The following BYSL variants were observed in gnomAD, a reference collection of about 807,000 sequenced individuals.
BYSL encodes the protein bystin.
BYSL carries 21 observed loss-of-function variants against 45.4 expected under a neutral mutation model. That is an observed-to-expected ratio of 0.46 (90% CI 0.33 to 0.67). The LOEUF (loss-of-function observed/expected upper bound fraction) is 0.67, where lower values mean the gene tolerates loss of function less well. Ranked by LOEUF, BYSL falls within the 30% of genes least tolerant of loss-of-function variation. BYSL has a pLI of 0.02. For synonymous variants in BYSL, 215 were observed against 231.3 expected (o/e 0.93, Z 0.64); for missense variants, 522 against 578.5 (o/e 0.90, Z 1.00).
chr6:41,925,788 C>T (rs1775556315), intron 1 of BYSL, among the ~76,000 whole-genome samples: 1 of 152,070 alleles, frequency 6.6e-6, no homozygotes, highest in Admixed American at 6.6e-5. Context: ...CGGGTTCAAG[C>T]GATTCTCATG....
intron 3 of BYSL, 119 bp from the exon 4 acceptor site, chr6:41,930,516 A>G: frequency 7.3e-7 from 1 of 1,373,336 alleles, no homozygotes; most frequent in Non-Finnish European, 9.8e-7. Flanking sequence ...GCACCTCCTT[A>G]TAGGTTATTG....
In BYSL at chr6:41,921,776, G is replaced by A; in HGVS notation, c.214G>A (p.Glu72Lys). 1 of 1,613,284 alleles carries A rather than the reference G, an allele frequency of 6.2e-7. No homozygotes were observed. Among genetic ancestry groups the A allele is most frequent in the Non-Finnish European group, 8.5e-7 (1 of 1,179,854 alleles). Reference protein sequence around the residue: ...ARQQQEELEAEHGTGDKPAAP... With the variant: ...ARQQQEELEAKHGTGDKPAAP... Reference sequence around the variant, plus strand: ...GCAGCAACAGGAGGAACTCGAGGCCGAGCATGGGACTGGGGACAAGCCCGC... The same window carrying A: ...GCAGCAACAGGAGGAACTCGAGGCCAAGCATGGGACTGGGGACAAGCCCGC... Residue 72 changes from glutamate (E) to lysine (K), a missense_variant, in exon 1 of 7, where the codon GAG becomes AAG. Glu to Lys is a moderately conservative substitution (Grantham distance 56). Coordinates refer to ENST00000230340, the MANE Select transcript of BYSL (RefSeq NM_004053.4).
upstream of BYSL, among the ~76,000 whole-genome samples, chr6:41,919,128 CAA>C (rs35512146): frequency 2.0e-4 from 9 of 44,886 alleles, no homozygotes; most frequent in Non-Finnish European, 2.7e-4. Flanking sequence ...GACTCTGCCT[CAA>C]AAAAAAAAAA....
At position 41,932,488 on chromosome 6, in the gene BYSL, G is replaced by C; in HGVS notation, c.1096G>C (p.Gly366Arg). The change falls in exon 7 of 7, where the codon GGG (glycine) becomes CGG (arginine). Residue 366 changes from glycine (G) to arginine (R), a missense_variant. Coordinates refer to ENST00000230340, the MANE Select transcript of BYSL (RefSeq NM_004053.4). This position sits in a 1 kb window ranked among gnomAD's most constrained non-coding sequence, Gnocchi z 4.7. ...VLDALVFHFL[G>R]FRTEKRELPV... ...GGATGCCCTAGTCTTCCACTTCCTG[G>C]GGTTCCGGACAGAGAAGCGTGAACT... 6.2e-7 allele frequency: 1 copy of C among 1,614,162 alleles called. No homozygotes were observed. The highest frequency in any genetic ancestry group is 8.5e-7 in the Non-Finnish European group (1 of 1,180,024).
At chr6:41,909,363 A>G in the BYSL span, 23 of 1,614,168 alleles carry the variant, frequency 1.4e-5, no homozygotes, top group Non-Finnish European at 1.9e-5. Context: ...CCGGGTCTCA[A>G]TCTTGCTGGC....
chr6:41,909,590 G>T, the BYSL span: 4 of 1,576,392 alleles, frequency 2.5e-6, no homozygotes, highest in African/African-American at 5.4e-5. Context: ...AGAGTCAAAT[G>T]ACTCCCCCCG....
intron 2 of BYSL, 149 bp downstream of exon 2, chr6:41,927,685 C>T (rs1433174135): frequency 3.4e-6 from 3 of 871,396 alleles, no homozygotes; most frequent in Non-Finnish European, 1.7e-6. Flanking sequence ...GGCCCATCCT[C>T]AAAGGACCAC....
upstream of BYSL, chr6:41,921,486 G>A (rs1472639284): frequency 1.3e-6 from 2 of 1,485,072 alleles, no homozygotes; most frequent in Non-Finnish European, 1.8e-6. Flanking sequence ...TGGGCGCTGG[G>A]AGTCCACCGC....
chr6:41,912,935 T>C, the BYSL span: 4,777 of 151,912 alleles, frequency 0.031, 125 homozygotes, highest in African/African-American at 0.065. Context: ...TAGGGAGACC[T>C]TGACTCTACA....
intron 3 of BYSL, 23 bp downstream of exon 3, chr6:41,930,293 T>C (rs369710061): frequency 3.1e-6 from 5 of 1,609,994 alleles, no homozygotes; most frequent in Non-Finnish European, 4.2e-6. Context: ...AGGGGAGCCA[T>C]GGTGGAAGAC....
chr6:41,932,365 G>C lies in BYSL; in HGVS notation c.973G>C (p.Ala325Pro). Residue 325 changes from alanine to proline, a missense_variant, in exon 7 of 7, where the codon GCC becomes CCC. Coordinates refer to ENST00000230340, the MANE Select transcript of BYSL (RefSeq NM_004053.4). The surrounding 1 kb of genome is among the most constrained non-coding windows in gnomAD (Gnocchi z 4.7). ...CCCACCTCCCTTTCCCACTAGTGCGGCCATGCTGAAAATTGCTGAGATGGA... is the reference window on the plus strand; with the variant it reads ...CCCACCTCCCTTTCCCACTAGTGCGCCCATGCTGAAAATTGCTGAGATGGA... ...CSIPVLHSSA[A>P]MLKIAEMEYS... 2 of 1,608,494 alleles carry C rather than the reference G, an allele frequency of 1.2e-6. No individual in the cohort carries two copies. The highest frequency in any genetic ancestry group is 1.7e-6 in the Non-Finnish European group (2 of 1,178,998).
chr6:41,930,793 C>T, intron 4 of BYSL, 25 bp downstream of exon 4: 1 of 1,604,076 alleles, frequency 6.2e-7, no homozygotes, highest in Non-Finnish European at 8.5e-7. Context: ...GGTTCGGGGG[C>T]CTTGGGTTTA....
In BYSL at chr6:41,931,774, A is replaced by G. The variant is rs1312614792; in HGVS notation, c.912A>G (p.Glu304=). 6.2e-7 allele frequency: 1 copy of G among 1,614,142 alleles called. No individual in the cohort carries two copies. Among genetic ancestry groups the G allele is most frequent in the Non-Finnish European group, 8.5e-7 (1 of 1,180,014 alleles). ...LCESGTCTLR[E]AIIVGSIITK... ...AGTCTGGCACTTGTACCCTCCGGGA[A>G]GCCATCATTGTGGGTAGCATCATCA... Residue 304 remains glutamate, a synonymous_variant, in exon 6 of 7, where the codon GAA becomes GAG. Transcript: ENST00000230340.
intron 6 of BYSL, 102 bp downstream of exon 6, chr6:41,931,932 C>A: frequency 8.4e-7 from 1 of 1,191,674 alleles, no homozygotes; most frequent in Non-Finnish European, 1.2e-6. Flanking sequence ...CTAAGGAAAG[C>A]CTTGGGTTTG....
upstream of BYSL, among the ~76,000 whole-genome samples, chr6:41,920,217 G>A (rs1053402288): frequency 2.0e-5 from 3 of 152,112 alleles, no homozygotes; most frequent in Non-Finnish European, 4.4e-5. Flanking sequence ...AGTGGGAAAC[G>A]GGTCCTAAAG....
chr6:41,932,538 C>T lies in BYSL; in HGVS notation c.1146C>T (p.Leu382=). The T allele has an allele frequency of 6.2e-7, 1 of 1,614,210 alleles. No homozygotes were observed. The highest frequency in any genetic ancestry group is 8.5e-7 in the Non-Finnish European group (1 of 1,180,052). The change falls in exon 7 of 7, where the codon CTC becomes CTT. Residue 382 remains leucine, a synonymous_variant. Transcript: ENST00000230340. This position sits in a 1 kb window ranked among gnomAD's most constrained non-coding sequence, Gnocchi z 4.7. ...RELPVLWHQC[L]LTLVQRYKAD... ...TGCCTGTGCTGTGGCACCAGTGCCT[C>T]CTGACTTTGGTCCAGCGCTACAAGG...
At chr6:41,913,321 C>T in the BYSL span, among the ~76,000 whole-genome samples, 4 of 152,112 alleles carry the variant, frequency 2.6e-5, no homozygotes, top group East Asian at 5.8e-4. Context: ...ATGCTCACCC[C>T]AAGTTTATTG....
upstream of BYSL, among the ~76,000 whole-genome samples, chr6:41,916,588 T>A (rs548262514): frequency 5.9e-5 from 9 of 151,754 alleles, no homozygotes; most frequent in African/African-American, 1.9e-4. Flanking sequence ...CTCAAAAAAA[T>A]AAAATAAAAT....
chr6:41,910,329 G>C, the BYSL span, among the ~76,000 whole-genome samples: 1 of 152,270 alleles, frequency 6.6e-6, no homozygotes, highest in South Asian at 2.1e-4. Flanking sequence ...ATTTAGTTAA[G>C]TAGAAAACAA....
Sources: gnomAD v4.1 joint callset for allele counts (sites outside exome capture counted in the v4.1 genomes callset) on GRCh38, gnomAD v4.1.1 for gene constraint, Gnocchi (gnomAD v3.1) non-coding constraint, MANE v1.5 for transcripts, NCBI Gene and HGNC (gene_info 2026-07-23, HGNC 2026-07-21) for gene names.